Variants in KIAA1217 observed in about 807,000 individuals in gnomAD.
KIAA1217 encodes the protein sickle tail protein homolog.
In KIAA1217, 88 loss-of-function variants were observed where a neutral mutation model predicts 163.9. That is an observed-to-expected ratio of 0.54 (90% CI 0.45 to 0.64). The LOEUF (loss-of-function observed/expected upper bound fraction) is 0.64, where lower values mean the gene tolerates loss of function less well. Ranked by LOEUF, KIAA1217 falls within the 30% of genes least tolerant of loss-of-function variation. The pLI is 0.00. For synonymous variants in KIAA1217, 903 were observed against 923.1 expected (o/e 0.98, Z 0.39); for missense variants, 2,372 against 2,475.0 (o/e 0.96, Z 0.88).
intron 3 of KIAA1217, among the ~76,000 whole-genome samples, chr10:24,418,208 TC>T: frequency 6.6e-6 from 1 of 152,202 alleles, no homozygotes; most frequent in Non-Finnish European, 1.5e-5. Context: ...CCTCCTCCCT[TC>T]TTGTCCTCCC....
Position 24,380,571 on chromosome 10 carries a change from G to A in KIAA1217, c.355-298G>A, listed in dbSNP as rs545002294. ...GCACAAGAATTGCTTGAAAACCGGAGGTGGAGGTTGTAGTGAGCCGATCTC... is the reference window on the plus strand; with the variant it reads ...GCACAAGAATTGCTTGAAAACCGGAAGTGGAGGTTGTAGTGAGCCGATCTC... On this transcript the variant is annotated intron_variant, in intron 2 of 20. Coordinates refer to ENST00000376454, the MANE Select transcript of KIAA1217 (RefSeq NM_019590.5). 2.0e-4 allele frequency among the ~76,000 whole-genome samples: 31 copies of A among 151,964 alleles called. No individual in the cohort carries two copies. The South Asian group carries it at 3.5e-3, about 17-fold the overall frequency.
intron 2 of KIAA1217, among the ~76,000 whole-genome samples, chr10:24,201,288 G>A (rs573336085): frequency 4.6e-5 from 7 of 151,962 alleles, no homozygotes; most frequent in East Asian, 1.9e-4. Context: ...AAAAAAATTC[G>A]TTGCACCTTT....
intron 2 of KIAA1217, among the ~76,000 whole-genome samples, chr10:24,189,031 G>A (rs900003108): frequency 1.3e-5 from 2 of 151,372 alleles, no homozygotes; most frequent in South Asian, 2.1e-4. Flanking sequence ...GTGTGAACCC[G>A]GGAGATGGAG....
At chr10:23,892,000 G>C (rs1462188658) in intron 1 of KIAA1217, among the ~76,000 whole-genome samples, 1 of 151,788 alleles carries the variant, frequency 6.6e-6, no homozygotes, top group African/African-American at 2.4e-5. Context: ...CTAAGTACAT[G>C]TCAGTTTTTC....
intron 2 of KIAA1217, among the ~76,000 whole-genome samples, chr10:24,029,960 C>T (rs1196547640): frequency 6.6e-6 from 1 of 152,110 alleles, no homozygotes; most frequent in African/African-American, 2.4e-5. Context: ...CTCCTCTGAT[C>T]GCAGAGTGAC....
At chr10:24,146,872 A>C (rs1176494007) in intron 2 of KIAA1217, among the ~76,000 whole-genome samples, 1 of 152,174 alleles carries the variant, frequency 6.6e-6, no homozygotes, top group Non-Finnish European at 1.5e-5. Context: ...AGAAAGTCAA[A>C]GAGAAAGTGT....
intron 3 of KIAA1217, among the ~76,000 whole-genome samples, chr10:24,397,162 A>C (rs1388504002): frequency 4.6e-5 from 6 of 129,108 alleles, no homozygotes; most frequent in Non-Finnish European, 7.7e-5. Context: ...CCCAGGCTGG[A>C]GTGCAATGGT....
At chr10:24,277,958 C>G (rs573472298) in intron 2 of KIAA1217, among the ~76,000 whole-genome samples, 73 of 152,322 alleles carry the variant, frequency 4.8e-4, no homozygotes, top group African/African-American at 1.6e-3. Flanking sequence ...GCTGGCTTCC[C>G]TTTGTGATGC....
chr10:23,843,698 A>G (rs900804606), intron 1 of KIAA1217, among the ~76,000 whole-genome samples: 5 of 152,134 alleles, frequency 3.3e-5, no homozygotes, highest in Non-Finnish European at 7.4e-5. Flanking sequence ...TTTGTTGACT[A>G]TGTTCTTCTG....
intron 2 of KIAA1217, among the ~76,000 whole-genome samples, chr10:24,222,616 T>C (rs1167667398): frequency 2.0e-5 from 3 of 152,146 alleles, no homozygotes; most frequent in Non-Finnish European, 4.4e-5. Context: ...GTTCAAGTAA[T>C]TCTCTTGCCT....
At chr10:23,858,957 T>C (rs1839833129) in intron 1 of KIAA1217, among the ~76,000 whole-genome samples, 1 of 152,210 alleles carries the variant, frequency 6.6e-6, no homozygotes, top group South Asian at 2.1e-4. Context: ...ACTTAATTTC[T>C]CCAAGGGGTT....
At chr10:24,066,625 A>G (rs981596361) in intron 2 of KIAA1217, among the ~76,000 whole-genome samples, 4 of 151,896 alleles carry the variant, frequency 2.6e-5, no homozygotes, top group East Asian at 1.9e-4. Flanking sequence ...TGTGTCTTGG[A>G]GTTGCTCTTC....
chr10:23,810,983 G>A (rs1260724183), intron 1 of KIAA1217, among the ~76,000 whole-genome samples: 3 of 109,810 alleles, frequency 2.7e-5, no homozygotes, highest in Non-Finnish European at 5.1e-5. Context: ...ATATACTATA[G>A]TATATATACT....
rs192000859 is a variant in KIAA1217 at position 24,393,923 on chromosome 10, C to T, written c.553+12856C>T. ...TACGGGGACTCCTGTCTTCTTCTTT[C>T]GTCCTGTCTCCTTTGAGGGGAATGT... On this transcript the variant is annotated intron_variant, in intron 3 of 20. Transcript: ENST00000376454. Among the ~76,000 whole-genome samples the T allele has an allele frequency of 3.3e-4, 50 of 152,316 alleles. 2 individuals carry two copies. In the South Asian group the frequency reaches 3.3e-3, roughly 10 times the overall value.
At chr10:23,804,212 G>A (rs1836628496) in intron 1 of KIAA1217, among the ~76,000 whole-genome samples, 1 of 152,032 alleles carries the variant, frequency 6.6e-6, no homozygotes, top group African/African-American at 2.4e-5. Flanking sequence ...CAGGTAGAGT[G>A]AAACTATTCA....
intron 1 of KIAA1217, among the ~76,000 whole-genome samples, chr10:23,911,504 G>A (rs1842428663): frequency 6.6e-6 from 1 of 152,096 alleles, no homozygotes; most frequent in Non-Finnish European, 1.5e-5. Flanking sequence ...TTTTATGTAT[G>A]TGTGTGTGTG....
chr10:24,425,229 A>G (rs1294540084), intron 3 of KIAA1217, among the ~76,000 whole-genome samples: 2 of 152,330 alleles, frequency 1.3e-5, no homozygotes, highest in South Asian at 2.1e-4. Flanking sequence ...TAGAAAGATG[A>G]TACAGAAAAT....
At chr10:23,712,064 G>A (rs1234697238) in intron 1 of KIAA1217, among the ~76,000 whole-genome samples, 2 of 152,210 alleles carry the variant, frequency 1.3e-5, no homozygotes, top group East Asian at 1.9e-4. Flanking sequence ...CATTCTCAAT[G>A]GTGGACTCTT....
rs549447959 is a variant in KIAA1217, at chr10:23,840,256, A to G, written c.-321+145022A>G. On this transcript the variant is annotated intron_variant, in intron 1 of 18. Transcript: ENST00000376462. The stretch of plus-strand genomic sequence containing the variant: ...CTGCAACCTCTACCTCCCAGGTTCA[A>G]GCAATTCTTCTGCCTCAGCCTCCCG... Among the ~76,000 whole-genome samples the G allele has an allele frequency of 2.0e-5, 3 of 152,130 alleles. No individual in the cohort carries two copies. In the East Asian group the frequency reaches 5.8e-4, roughly 29 times the overall value.
Sources: allele counts gnomAD v4.1 joint callset (sites outside exome capture counted in the v4.1 genomes callset), GRCh38; gene constraint gnomAD v4.1.1; transcripts MANE v1.5; gene names NCBI Gene and HGNC (gene_info 2026-07-23, HGNC 2026-07-21).